BBOX1: variants seen among roughly 807,000 people sequenced by gnomAD.
BBOX1 encodes the protein gamma-butyrobetaine hydroxylase 1.
In BBOX1, 35 loss-of-function variants were observed where a neutral mutation model predicts 41.6. That is an observed-to-expected ratio of 0.84 (90% CI 0.64 to 1.11). BBOX1 has a LOEUF of 1.11. Ranked by LOEUF, BBOX1 falls within the 50% of genes most tolerant of loss-of-function variation. The probability of loss-of-function intolerance (pLI) is 0.00; values close to 1 mark genes in which losing one functional copy is unlikely to be tolerated. For synonymous variants in BBOX1, 163 were observed against 154.7 expected, an observed-to-expected ratio of 1.05 and a Z score of -0.40; for missense variants, 458 against 460.6, an observed-to-expected ratio of 0.99 and a Z score of 0.05.
intron 2 of BBOX1, among the ~76,000 whole-genome samples, chr11:27,050,242 T>G (rs2133950649): frequency 6.6e-6 from 1 of 152,252 alleles, no homozygotes; most frequent in South Asian, 2.1e-4. Context: ...CCATGCTGTT[T>G]TGATTATTAT....
intron 5 of BBOX1, among the ~76,000 whole-genome samples, chr11:27,103,441 C>T (rs1858740980): frequency 6.6e-6 from 1 of 151,966 alleles, no homozygotes; most frequent in Admixed American, 6.6e-5. Flanking sequence ...TATCTTAAGT[C>T]TTCTTTGCCG....
chr11:27,066,604 A>G (rs1857288749), intron 4 of BBOX1: 1 of 145,612 alleles, frequency 6.9e-6, no homozygotes, highest in South Asian at 2.1e-4. Context: ...TTTAGATTTT[A>G]GAACCAAACT....
intron 5 of BBOX1, among the ~76,000 whole-genome samples, chr11:27,098,041 T>G (rs1025483627): frequency 2.0e-5 from 3 of 152,064 alleles, no homozygotes; most frequent in African/African-American, 7.2e-5. Flanking sequence ...CGCTTCTTTC[T>G]CTTCCTGCTT....
intron 4 of BBOX1, among the ~76,000 whole-genome samples, chr11:27,061,323 C>T (rs927116865): frequency 1.3e-5 from 2 of 152,118 alleles, no homozygotes; most frequent in African/African-American, 4.8e-5. Flanking sequence ...GTCACAATGA[C>T]AGGCTGCAAT....
At chr11:27,048,513 T>C (rs999815708) in intron 2 of BBOX1, among the ~76,000 whole-genome samples, 8 of 145,822 alleles carry the variant, frequency 5.5e-5, no homozygotes, top group East Asian at 2.1e-4. Context: ...TATAGATAGA[T>C]GATAGGCAGA....
chr11:27,126,794 G>A (rs1392989002), intron 8 of BBOX1, among the ~76,000 whole-genome samples: 2 of 150,932 alleles, frequency 1.3e-5, no homozygotes, highest in Non-Finnish European at 2.9e-5. Flanking sequence ...TCCTGCCTCA[G>A]CCTCCTGAGT....
At chr11:27,064,648 G>A (rs1358498531) in intron 4 of BBOX1, among the ~76,000 whole-genome samples, 2 of 152,162 alleles carry the variant, frequency 1.3e-5, no homozygotes, top group Non-Finnish European at 2.9e-5. Context: ...CATGAGGCCA[G>A]CCATGCCATG....
At chr11:27,055,205 G>A in intron 2 of BBOX1, 188 bp from the exon 3 acceptor site, 1 of 450,560 alleles carries the variant, frequency 2.2e-6, no homozygotes, top group East Asian at 3.3e-5. Context: ...TTTAGTCACT[G>A]TGTTTCTGCT....
At chr11:27,059,609 T>C (rs1857080970) in intron 4 of BBOX1, among the ~76,000 whole-genome samples, 2 of 152,156 alleles carry the variant, frequency 1.3e-5, no homozygotes, top group Admixed American at 6.5e-5. Context: ...CCACAGGCAC[T>C]CAACGACCTG....
chr11:27,122,474 G>T (rs1283962568), intron 7 of BBOX1, among the ~76,000 whole-genome samples: 1 of 152,146 alleles, frequency 6.6e-6, no homozygotes, highest in Non-Finnish European at 1.5e-5. Context: ...ATACATTTTA[G>T]CTAGTTATAA....
At chr11:27,055,870 G>T (rs1391352070) in intron 3 of BBOX1, among the ~76,000 whole-genome samples, 1 of 152,040 alleles carries the variant, frequency 6.6e-6, no homozygotes, top group African/African-American at 2.4e-5. Context: ...AATAAAATTT[G>T]CAGTGTTACT....
At chr11:27,052,825 T>G (rs1436209397) in intron 2 of BBOX1, among the ~76,000 whole-genome samples, 1 of 152,166 alleles carries the variant, frequency 6.6e-6, no homozygotes, top group African/African-American at 2.4e-5. Flanking sequence ...TTTTAGATTT[T>G]ATACTTCCGC....
At chr11:27,088,674 T>C (rs1028467372) in intron 4 of BBOX1, among the ~76,000 whole-genome samples, 3 of 151,996 alleles carry the variant, frequency 2.0e-5, no homozygotes, top group African/African-American at 7.2e-5. Flanking sequence ...AAAATACCCA[T>C]GATGATAGTA....
At chr11:27,053,167 G>C (rs1349566585) in intron 2 of BBOX1, among the ~76,000 whole-genome samples, 1 of 152,146 alleles carries the variant, frequency 6.6e-6, no homozygotes, top group Non-Finnish European at 1.5e-5. Context: ...TGGTTGTCTG[G>C]AACTTCAAAG....
intron 4 of BBOX1, chr11:27,066,671 GAAAAAAAA>G (rs79136837): frequency 1.6e-5 from 2 of 124,228 alleles, no homozygotes; most frequent in East Asian, 2.2e-4. Context: ...CCCTTCAGGG[GAAAAAAAA>G]AAAAAAAAAG....
rs929893404 is a variant in BBOX1 at position 27,077,031 on chromosome 11, A to G, written c.335-16137A>G. Among the ~76,000 whole-genome samples the G allele has an allele frequency of 4.6e-5, 7 of 152,130 alleles. No homozygotes were observed. In the East Asian group the frequency reaches 5.8e-4, roughly 13 times the overall value. On this transcript the variant is annotated intron_variant, in intron 4 of 8. Transcript: ENST00000263182. ...CCCCTTCCAGTCCACCCACAAAGCC[A>G]GAACACCCAGCTCCTGCACCTGTGG...
chr11:27,111,970 G>A (rs1031656445), intron 5 of BBOX1, among the ~76,000 whole-genome samples: 1 of 151,902 alleles, frequency 6.6e-6, no homozygotes, highest in African/African-American at 2.4e-5. Context: ...CATCAAAAAA[G>A]AAAGACAGCC....
At chr11:27,067,896 GC>G (rs1564961223) in intron 4 of BBOX1, among the ~76,000 whole-genome samples, 1 of 152,034 alleles carries the variant, frequency 6.6e-6, no homozygotes, top group African/African-American at 2.4e-5. Context: ...TCAAGTTGCT[GC>G]AAAAGACATT....
intron 6 of BBOX1, among the ~76,000 whole-genome samples, chr11:27,116,001 A>G (rs1859245212): frequency 6.6e-6 from 1 of 151,988 alleles, no homozygotes; most frequent in South Asian, 2.1e-4. Context: ...AACTCATTCT[A>G]CTATAAAGAC....
Sources: allele counts gnomAD v4.1 joint callset (sites outside exome capture counted in the v4.1 genomes callset), GRCh38; gene constraint gnomAD v4.1.1; transcripts MANE v1.5; gene names NCBI Gene and HGNC (gene_info 2026-07-23, HGNC 2026-07-21).